The following SLC44A1 variants were observed in gnomAD, a reference collection of about 807,000 sequenced individuals.
The protein encoded by SLC44A1 is choline transporter-like protein 1.
In SLC44A1, 26 loss-of-function variants were observed where a neutral mutation model predicts 79.3. The observed-to-expected ratio is 0.33, with a 90% CI of 0.24 to 0.46. The LOEUF (loss-of-function observed/expected upper bound fraction) is 0.46. Among genes scored for constraint, SLC44A1 ranks in the 20% least tolerant of loss-of-function variants. SLC44A1 has a pLI of 1.00. For missense variants in SLC44A1, 688 were observed against 798.1 expected (o/e 0.86, Z 1.66); for synonymous variants, 263 against 286.2 (o/e 0.92, Z 0.82).
Position 105,396,017 on chromosome 9 carries a change from T to C in SLC44A1, c.*6961T>C, listed in dbSNP as rs1828869368. On this transcript the variant is annotated 3_prime_UTR_variant, in exon 16 of 16. Coordinates refer to ENST00000374720, the MANE Select transcript of SLC44A1 (RefSeq NM_080546.5). ...ATTAAGTAGATTTTCCCCCATCCTC[T>C]AGGTTCCTGTAGTCTGTGCTCAGAA... The C allele has an allele frequency of 5.1e-6, 5 of 985,338 alleles. No individual in the cohort carries two copies. The highest frequency in any genetic ancestry group is 6.0e-6 in the Non-Finnish European group (5 of 829,918). 61.0% of individuals were successfully genotyped at this position (985,338 alleles called of 1,614,324 possible).
chr9:105,253,984 G>A (rs1369582626), intron 1 of SLC44A1, among the ~76,000 whole-genome samples: 1 of 152,108 alleles, frequency 6.6e-6, no homozygotes, highest in Non-Finnish European at 1.5e-5. Context: ...GCCTCCCAAA[G>A]TGCTGGGATT....
At chr9:105,335,516 A>G (rs763734888) in intron 3 of SLC44A1, 47 bp from the exon 4 acceptor site, 4 of 1,518,466 alleles carry the variant, frequency 2.6e-6, no homozygotes, top group Non-Finnish European at 2.7e-6. Context: ...AGGGACCCAC[A>G]ATGTGTTTTG....
intron 1 of SLC44A1, among the ~76,000 whole-genome samples, chr9:105,291,409 C>G: frequency 6.6e-6 from 1 of 152,164 alleles, no homozygotes; most frequent in East Asian, 1.9e-4. Context: ...CAGCGGTGAC[C>G]TTGGAGATGG....
At chr9:105,349,383 G>T (rs1700173300) in intron 5 of SLC44A1, among the ~76,000 whole-genome samples, 1 of 152,132 alleles carries the variant, frequency 6.6e-6, no homozygotes, top group South Asian at 2.1e-4. Context: ...TTACTTATGG[G>T]TGTAACTTGG....
intron 1 of SLC44A1, among the ~76,000 whole-genome samples, chr9:105,298,041 G>T (rs1235948010): frequency 3.3e-5 from 5 of 151,876 alleles, no homozygotes; most frequent in Admixed American, 3.3e-4. Flanking sequence ...GCTCAGGGGG[G>T]TTATTTCAGT....
chr9:105,294,543 T>C (rs781356551), intron 1 of SLC44A1: 2 of 152,102 alleles, frequency 1.3e-5, no homozygotes, highest in Non-Finnish European at 1.5e-5. Flanking sequence ...TACTGTAATC[T>C]TTGTTTTTCT....
downstream of SLC44A1, among the ~76,000 whole-genome samples, chr9:105,398,781 A>G (rs575586435): frequency 3.3e-5 from 5 of 152,344 alleles, no homozygotes; most frequent in South Asian, 4.1e-4. Flanking sequence ...CTTTGGCCTC[A>G]TATCTTTGAT....
At chr9:105,252,064 T>C (rs1379379377) in intron 1 of SLC44A1, among the ~76,000 whole-genome samples, 1 of 152,244 alleles carries the variant, frequency 6.6e-6, no homozygotes, top group African/African-American at 2.4e-5. Flanking sequence ...GAGAAATTTA[T>C]TTAATAAATT....
intron 1 of SLC44A1, among the ~76,000 whole-genome samples, chr9:105,261,300 T>C (rs1053948607): frequency 6.6e-6 from 1 of 152,182 alleles, no homozygotes. Context: ...ATGAGGGCCT[T>C]CTTTCCCTTC....
downstream of SLC44A1, among the ~76,000 whole-genome samples, chr9:105,398,348 C>T (rs528708712): frequency 1.3e-5 from 2 of 152,234 alleles, no homozygotes; most frequent in African/African-American, 4.8e-5. Context: ...TTTACACCAT[C>T]CTGCCAAAAA....
At chr9:105,340,251 G>A (rs903491774) in intron 4 of SLC44A1, among the ~76,000 whole-genome samples, 1 of 152,206 alleles carries the variant, frequency 6.6e-6, no homozygotes, top group African/African-American at 2.4e-5. Flanking sequence ...TAACATGGAT[G>A]AACCTTGAGG....
intron 11 of SLC44A1, among the ~76,000 whole-genome samples, chr9:105,365,905 C>G (rs975743972): frequency 1.3e-5 from 2 of 152,152 alleles, no homozygotes; most frequent in African/African-American, 2.4e-5. Flanking sequence ...AACTTCTTCC[C>G]TTCCTTGACT....
In SLC44A1 at chr9:105,396,275, A is replaced by G; in HGVS notation, c.*7219A>G. ...TGAATGCACTTCTAATAGAGCTTTAATCTAAAGAAGTTAGTTCAGTGGTTA... is the reference window on the plus strand; with the variant it reads ...TGAATGCACTTCTAATAGAGCTTTAGTCTAAAGAAGTTAGTTCAGTGGTTA... On this transcript the variant is annotated 3_prime_UTR_variant, in exon 16 of 16. Transcript: ENST00000374720. The G allele has an allele frequency of 1.0e-6, 1 of 985,252 alleles. No homozygotes were observed. Among genetic ancestry groups the G allele is most frequent in the African/African-American group, 1.7e-5 (1 of 57,376 alleles). 61.0% of individuals were successfully genotyped at this position (985,252 alleles called of 1,614,324 possible). A position where few individuals can be genotyped will look rare whatever the true frequency, so the allele number is the denominator to read the frequency against.
At chr9:105,427,572 C>T (rs1443014525) in intron 15 of SLC44A1, among the ~76,000 whole-genome samples, 1 of 151,992 alleles carries the variant, frequency 6.6e-6, no homozygotes, top group Non-Finnish European at 1.5e-5. Flanking sequence ...CTGCACCCGG[C>T]CTCAGAAATA....
At chr9:105,296,419 A>G (rs543339588) in intron 1 of SLC44A1, among the ~76,000 whole-genome samples, 1 of 152,330 alleles carries the variant, frequency 6.6e-6, no homozygotes, top group South Asian at 2.1e-4. Flanking sequence ...TCTGGTCAAA[A>G]ATGAACTATC....
rs553256806 is a variant in SLC44A1, at chr9:105,418,540, G to A, written c.1951-19741G>A. On this transcript the variant is annotated intron_variant, in intron 15 of 15. Transcript: ENST00000374724. Reference sequence around the variant, plus strand: ...TTTTCTGTCTTGATGTCTTTGTAAAGATTTTGAGCTGTTTTGGGTATGGAG... The same window carrying A: ...TTTTCTGTCTTGATGTCTTTGTAAAAATTTTGAGCTGTTTTGGGTATGGAG... Among the ~76,000 whole-genome samples the A allele has an allele frequency of 3.4e-4, 52 of 152,224 alleles. 1 individual carries two copies. Among genetic ancestry groups the A allele is most frequent in the African/African-American group, 1.2e-3 (51 of 41,548 alleles).
At chr9:105,410,017 A>G (rs910677227) in intron 15 of SLC44A1, among the ~76,000 whole-genome samples, 2 of 152,234 alleles carry the variant, frequency 1.3e-5, no homozygotes, top group African/African-American at 4.8e-5. Context: ...CTAGGTCAAA[A>G]TAGAATGAAA....
intron 1 of SLC44A1, among the ~76,000 whole-genome samples, chr9:105,293,338 T>C (rs1251444713): frequency 6.6e-6 from 1 of 152,186 alleles, no homozygotes; most frequent in East Asian, 1.9e-4. Context: ...CTGCCTTAAT[T>C]AGGAGAAAGT....
At chr9:105,284,585 C>G (rs955820335) in intron 1 of SLC44A1, among the ~76,000 whole-genome samples, 2 of 152,078 alleles carry the variant, frequency 1.3e-5, no homozygotes, top group African/African-American at 4.8e-5. Flanking sequence ...TCTGATTTCT[C>G]AGAAACATGA....
Sources: gnomAD v4.1 joint callset for allele counts (sites outside exome capture counted in the v4.1 genomes callset) on GRCh38, gnomAD v4.1.1 for gene constraint, MANE v1.5 for transcripts, NCBI Gene and HGNC (gene_info 2026-07-23, HGNC 2026-07-21) for gene names.